MACROD1: variants seen among roughly 807,000 people sequenced by gnomAD.
MACROD1 encodes mono-ADP ribosylhydrolase 1.
A neutral mutation model predicts 41.4 loss-of-function variants in MACROD1; 31 were observed. The ratio of observed to expected loss-of-function variants is 0.75; its 90% CI spans 0.56 to 1.01. The LOEUF (loss-of-function observed/expected upper bound fraction) is 1.01. MACROD1 is among the 50% of genes least tolerant of loss of function. The pLI, the probability that MACROD1 is intolerant of heterozygous loss-of-function variation, is 0.00. For missense variants in MACROD1, 473 were observed against 460.0 expected, an observed-to-expected ratio of 1.03 and a Z score of -0.26; for synonymous variants, 252 against 203.4, an observed-to-expected ratio of 1.24 and a Z score of -2.03.
intron 3 of MACROD1, among the ~76,000 whole-genome samples, chr11:64,029,863 G>A (rs898062636): frequency 1.3e-5 from 2 of 152,178 alleles, no homozygotes; most frequent in African/African-American, 4.8e-5. Context: ...GGGAATGATC[G>A]CTGAGAAGGG....
At chr11:64,103,343 C>G (rs1050060157) in intron 3 of MACROD1, 3 of 152,240 alleles carry the variant, frequency 2.0e-5, no homozygotes, top group African/African-American at 7.2e-5. Context: ...GCCCTTGCCC[C>G]CCAAGCATCT....
intron 3 of MACROD1, among the ~76,000 whole-genome samples, chr11:64,123,855 GGA>G (rs1333892623): frequency 6.6e-6 from 1 of 152,184 alleles, no homozygotes; most frequent in Non-Finnish European, 1.5e-5. Flanking sequence ...GCCCAGCAAA[GGA>G]AACAGGCAGT....
At chr11:64,097,750 C>G (rs1488424535) in intron 3 of MACROD1, among the ~76,000 whole-genome samples, 1 of 152,208 alleles carries the variant, frequency 6.6e-6, no homozygotes, top group Non-Finnish European at 1.5e-5. Flanking sequence ...AGCGAGTGGG[C>G]AGGGAATGGG....
At chr11:64,116,218 G>C (rs1944976457) in intron 3 of MACROD1, 2 of 1,558,820 alleles carry the variant, frequency 1.3e-6, no homozygotes, top group Admixed American at 3.5e-5. Flanking sequence ...GCTCCTTGCA[G>C]GTATTCAGGC....
intron 3 of MACROD1, among the ~76,000 whole-genome samples, chr11:64,084,843 G>A (rs183840058): frequency 3.3e-5 from 5 of 152,308 alleles, no homozygotes; most frequent in African/African-American, 9.6e-5. Context: ...GCCCCGGCCC[G>A]GGAGGGGCGC....
intron 3 of MACROD1, among the ~76,000 whole-genome samples, chr11:64,148,554 C>G (rs1455314795): frequency 1.3e-5 from 2 of 152,204 alleles, no homozygotes; most frequent in African/African-American, 4.8e-5. Flanking sequence ...TAATTGCTCT[C>G]TCCTCTGGCT....
At position 64,064,628 on chromosome 11, in the gene MACROD1, T is replaced by C. The variant is rs1229583906; in HGVS notation, c.518-49347A>G. Among the ~76,000 whole-genome samples, 4 of 150,162 alleles carry C rather than the reference T, an allele frequency of 2.7e-5. No homozygotes were observed. The highest frequency in any genetic ancestry group is 2.2e-4 in the South Asian group (1 of 4,600). On this transcript the variant is annotated intron_variant, in intron 3 of 10. Coordinates refer to ENST00000255681, the MANE Select transcript of MACROD1 (RefSeq NM_014067.4). This position sits in a 1 kb window ranked among gnomAD's most constrained non-coding sequence, Gnocchi z 4.5. The stretch of plus-strand genomic sequence containing the variant: ...AACCCAGAATGTATCCTGACAGCAT[T>C]GGAACAGGATGCAGAGTAGGGGCCT...
chr11:64,052,817 C>A (rs1590843000), intron 3 of MACROD1, among the ~76,000 whole-genome samples: 1 of 152,300 alleles, frequency 6.6e-6, no homozygotes, highest in Non-Finnish European at 1.5e-5. Context: ...TCCAGGGGCC[C>A]TTTGCCCAGG....
intron 3 of MACROD1, among the ~76,000 whole-genome samples, chr11:64,021,443 G>C (rs1943150979): frequency 6.6e-6 from 1 of 152,230 alleles, no homozygotes; most frequent in Non-Finnish European, 1.5e-5. Flanking sequence ...GTGCTGTGTG[G>C]GGGCCGGGAC....
chr11:64,001,762 A>G (rs1435426267), intron 4 of MACROD1: 1 of 702,094 alleles, frequency 1.4e-6, no homozygotes, highest in East Asian at 2.7e-5. Context: ...TGGAGCAAGA[A>G]GGCAGGGCCC....
chr11:64,010,319 T>TG (rs1390409519), intron 4 of MACROD1, among the ~76,000 whole-genome samples: 8 of 140,486 alleles, frequency 5.7e-5, no homozygotes, highest in South Asian at 2.4e-4. Context: ...GCTGGTATGT[T>TG]GTTTGGGGTG....
rs1943957987 is a variant in MACROD1 at position 64,064,385 on chromosome 11, G to A, written c.518-49104C>T. 1.3e-5 allele frequency among the ~76,000 whole-genome samples: 2 copies of A among 152,294 alleles called. No homozygotes were observed. The highest frequency in any genetic ancestry group is 4.8e-5 in the African/African-American group (2 of 41,572). ...TATGGGGCCACAGGCATTGGATGGA[G>A]GATGGAGGAGGCTCAGGGCCAGTGC... On this transcript the variant is annotated intron_variant, in intron 3 of 10. Transcript: ENST00000255681. This position sits in a 1 kb window ranked among gnomAD's most constrained non-coding sequence, Gnocchi z 4.5.
At chr11:64,110,383 G>A (rs1041972824) in intron 3 of MACROD1, among the ~76,000 whole-genome samples, 2 of 151,760 alleles carry the variant, frequency 1.3e-5, no homozygotes, top group African/African-American at 2.4e-5. Context: ...TGGGGAGGTC[G>A]AGGCTGCAGT....
chr11:64,087,351 C>A (rs925502418), intron 3 of MACROD1, among the ~76,000 whole-genome samples: 1 of 152,022 alleles, frequency 6.6e-6, no homozygotes, highest in African/African-American at 2.4e-5. Flanking sequence ...AACCCTGCCA[C>A]CCCTGCCACC....
intron 3 of MACROD1, among the ~76,000 whole-genome samples, chr11:64,055,851 C>T (rs565180020): frequency 2.1e-4 from 32 of 152,284 alleles, no homozygotes; most frequent in African/African-American, 6.5e-4. Context: ...CAGGCCAGGC[C>T]GGTGACTCTT....
Position 64,090,793 on chromosome 11 carries a change from G to A in MACROD1, c.517+60446C>T, listed in dbSNP as rs1249328420. ...GCGGCGTCTCTCCACCAGGCACTTGGGGTTTGTCTCTGGGGCTCTGCAGAA... is the reference window on the plus strand; with the variant it reads ...GCGGCGTCTCTCCACCAGGCACTTGAGGTTTGTCTCTGGGGCTCTGCAGAA... On this transcript the variant is annotated intron_variant, in intron 3 of 10. Coordinates refer to ENST00000255681, the MANE Select transcript of MACROD1 (RefSeq NM_014067.4). The surrounding 1 kb of genome is among the most constrained non-coding windows in gnomAD (Gnocchi z 4.7). 1.3e-5 allele frequency among the ~76,000 whole-genome samples: 2 copies of A among 152,096 alleles called. No homozygotes were observed. Among genetic ancestry groups the A allele is most frequent in the Non-Finnish European group, 2.9e-5 (2 of 68,020 alleles).
intron 3 of MACROD1, among the ~76,000 whole-genome samples, chr11:64,035,286 G>A (rs1943351558): frequency 1.3e-5 from 2 of 152,070 alleles, no homozygotes; most frequent in Admixed American, 1.3e-4. Flanking sequence ...CGCGGCGGAT[G>A]AGAGGGTCTG....
Position 63,999,408 on chromosome 11 carries a change from A to G in MACROD1, c.818-4T>C. 1 of 1,582,238 alleles carries G rather than the reference A, an allele frequency of 6.3e-7. No individual in the cohort carries two copies. The highest frequency in any genetic ancestry group is 8.6e-7 in the Non-Finnish European group (1 of 1,167,544). ...GCGGCCGCCTCACAGGGGTAGCCTG[A>G]GGCGGGTGGGGCGGGAGTGAGTCCT... On this transcript the variant is annotated splice_polypyrimidine_tract_variant and splice_region_variant and intron_variant, in intron 7 of 10. Coordinates refer to ENST00000255681, the MANE Select transcript of MACROD1 (RefSeq NM_014067.4).
At chr11:64,069,977 G>A (rs1262893105) in intron 3 of MACROD1, among the ~76,000 whole-genome samples, 1 of 152,152 alleles carries the variant, frequency 6.6e-6, no homozygotes, top group East Asian at 1.9e-4. Flanking sequence ...TCTGCAGGGG[G>A]CAGAGCAGGG....
Sources: gnomAD v4.1 joint callset for allele counts (sites outside exome capture counted in the v4.1 genomes callset) on GRCh38, gnomAD v4.1.1 for gene constraint, Gnocchi (gnomAD v3.1) non-coding constraint, MANE v1.5 for transcripts, NCBI Gene and HGNC (gene_info 2026-07-23, HGNC 2026-07-21) for gene names.